Variants in ENTREP2 observed in about 807,000 individuals in gnomAD.
ENTREP2 encodes the protein protein ENTREP2.
At chr15:29,624,455 T>G in the ENTREP2 span, among the ~76,000 whole-genome samples, 251 of 152,306 alleles carry the variant, frequency 1.6e-3, 3 homozygotes, top group South Asian at 0.041. Flanking sequence ...GTGCTATGTT[T>G]AAAGCAATAT....
the ENTREP2 span, among the ~76,000 whole-genome samples, chr15:29,657,483 CGGGGGGG>C: frequency 3.3e-4 from 23 of 69,434 alleles, 3 homozygotes; most frequent in South Asian, 0.011. Flanking sequence ...GCTGGGGGGG[CGGGGGGG>C]GGGGGTGGCC....
At chr15:29,482,730 C>A in the ENTREP2 span, among the ~76,000 whole-genome samples, 2 of 152,200 alleles carry the variant, frequency 1.3e-5, no homozygotes, top group African/African-American at 4.8e-5. Flanking sequence ...GTTTATTTAT[C>A]AATTTACCTA....
the ENTREP2 span, among the ~76,000 whole-genome samples, chr15:29,427,322 G>A: frequency 6.6e-6 from 1 of 152,142 alleles, no homozygotes; most frequent in South Asian, 2.1e-4. Flanking sequence ...GACTGCCTGA[G>A]CCCCAACCCC....
At chr15:29,206,223 T>C in the ENTREP2 span, among the ~76,000 whole-genome samples, 1 of 152,180 alleles carries the variant, frequency 6.6e-6, no homozygotes, top group African/African-American at 2.4e-5. Context: ...TGGATCACTG[T>C]GTCCTCACCT....
the ENTREP2 span, among the ~76,000 whole-genome samples, chr15:29,220,728 G>A: frequency 1.3e-5 from 2 of 151,412 alleles, no homozygotes; most frequent in Non-Finnish European, 2.9e-5. Flanking sequence ...AAAACATTTA[G>A]GAAAAAGTTA....
At chr15:29,214,668 C>A in the ENTREP2 span, among the ~76,000 whole-genome samples, 1 of 148,380 alleles carries the variant, frequency 6.7e-6, no homozygotes, top group Admixed American at 6.8e-5. Flanking sequence ...GCACATGTAC[C>A]CTAGAACTTA....
chr15:29,530,917 G>A, the ENTREP2 span, among the ~76,000 whole-genome samples: 2 of 152,144 alleles, frequency 1.3e-5, no homozygotes, highest in Non-Finnish European at 2.9e-5. Context: ...TTTCCTTTGA[G>A]CCCTGTCCTT....
the ENTREP2 span, among the ~76,000 whole-genome samples, chr15:29,133,353 A>G: frequency 6.6e-6 from 1 of 152,094 alleles, no homozygotes; most frequent in Admixed American, 6.5e-5. Context: ...CAATACCCCA[A>G]TTACTGACTC....
the ENTREP2 span, among the ~76,000 whole-genome samples, chr15:29,618,620 T>C: frequency 1.3e-5 from 2 of 152,124 alleles, no homozygotes; most frequent in African/African-American, 2.4e-5. Flanking sequence ...ATTACAGACA[T>C]GTCCTAGGTA....
At chr15:29,537,695 T>C in the ENTREP2 span, among the ~76,000 whole-genome samples, 1 of 152,066 alleles carries the variant, frequency 6.6e-6, no homozygotes, top group Non-Finnish European at 1.5e-5. Context: ...ATAAGTTAGG[T>C]CAGGTCACTC....
At chr15:29,241,994 T>C in the ENTREP2 span, among the ~76,000 whole-genome samples, 3 of 152,200 alleles carry the variant, frequency 2.0e-5, no homozygotes, top group Non-Finnish European at 4.4e-5. Context: ...CAGTGAGCTA[T>C]GATTGCACCA....
the ENTREP2 span, among the ~76,000 whole-genome samples, chr15:29,617,606 G>A: frequency 1.3e-5 from 2 of 152,176 alleles, no homozygotes; most frequent in African/African-American, 2.4e-5. Context: ...ATCAACCTAC[G>A]CCATCAGCAT....
At chr15:29,555,437 AT>A in the ENTREP2 span, among the ~76,000 whole-genome samples, 2 of 152,194 alleles carry the variant, frequency 1.3e-5, no homozygotes, top group Admixed American at 1.3e-4. Flanking sequence ...ACTGAATGGT[AT>A]TTTTTTAAAT....
At chr15:29,376,220 T>G in the ENTREP2 span, 1 of 152,168 alleles carries the variant, frequency 6.6e-6, no homozygotes, top group Non-Finnish European at 1.5e-5. Flanking sequence ...AATATCCAGT[T>G]CAGTGCTACT....
At chr15:29,212,773 G>A in the ENTREP2 span, among the ~76,000 whole-genome samples, 1 of 152,178 alleles carries the variant, frequency 6.6e-6, no homozygotes, top group Non-Finnish European at 1.5e-5. Flanking sequence ...AAGTTATTCT[G>A]TGCAGAAGCT....
At chr15:29,159,946 T>C in the ENTREP2 span, among the ~76,000 whole-genome samples, 1 of 152,198 alleles carries the variant, frequency 6.6e-6, no homozygotes, top group Admixed American at 6.5e-5. Flanking sequence ...TTGGGTGGTG[T>C]ATGGGATTGG....
the ENTREP2 span, among the ~76,000 whole-genome samples, chr15:29,389,091 T>C: frequency 6.6e-6 from 1 of 151,200 alleles, no homozygotes; most frequent in Admixed American, 6.6e-5. Flanking sequence ...TGTGCACATG[T>C]ACCCTAGAAC....
chr15:29,136,051 G>A, the ENTREP2 span, among the ~76,000 whole-genome samples: 1 of 152,330 alleles, frequency 6.6e-6, no homozygotes, highest in East Asian at 1.9e-4. Context: ...CTGCAGAAAT[G>A]GAACTGGGGA....
chr15:29,292,595 GGT>G, the ENTREP2 span, among the ~76,000 whole-genome samples: 6 of 152,170 alleles, frequency 3.9e-5, no homozygotes, highest in African/African-American at 1.4e-4. Context: ...TGTCCAGGCT[GGT>G]CTTGAACTCC....
Sources: gnomAD v4.1 joint callset for allele counts (sites outside exome capture counted in the v4.1 genomes callset) on GRCh38, gnomAD v4.1.1 for gene constraint, MANE v1.5 for transcripts, NCBI Gene and HGNC (gene_info 2026-07-23, HGNC 2026-07-21) for gene names.